Variants in RAPGEF2 observed in about 807,000 individuals in gnomAD.
The protein encoded by RAPGEF2 is Rap guanine nucleotide exchange factor 2, also known as PDZ domain containing guanine nucleotide exchange factor (GEF) 1.
RAPGEF2 carries 54 observed loss-of-function variants against 186.7 expected under a neutral mutation model. The observed-to-expected ratio is 0.29, with a 90% CI of 0.23 to 0.36. The LOEUF (loss-of-function observed/expected upper bound fraction) is 0.36. Ranked by LOEUF, RAPGEF2 falls within the 10% of genes least tolerant of loss-of-function variation. The pLI, the probability that RAPGEF2 is intolerant of heterozygous loss-of-function variation, is 1.00. For missense variants in RAPGEF2, 1,532 were observed against 2,045.0 expected, an observed-to-expected ratio of 0.75 and a Z score of 4.84; for synonymous variants, 712 against 705.9, an observed-to-expected ratio of 1.01 and a Z score of -0.14.
At chr4:159,346,606 T>A (rs531829017) in intron 24 of RAPGEF2, among the ~76,000 whole-genome samples, 183 bp from the exon 25 acceptor site, 2 of 152,358 alleles carry the variant, frequency 1.3e-5, no homozygotes, top group South Asian at 4.1e-4. Context: ...ACATATCTAA[T>A]ATTTTCTGTA....
chr4:159,200,952 A>G (rs1368261102), intron 3 of RAPGEF2, among the ~76,000 whole-genome samples: 1 of 152,216 alleles, frequency 6.6e-6, no homozygotes, highest in Admixed American at 6.5e-5. Flanking sequence ...ATAATAAAAT[A>G]TCAGTATTCC....
intron 4 of RAPGEF2, among the ~76,000 whole-genome samples, chr4:159,228,725 CAT>C (rs1001875681): frequency 1.3e-5 from 2 of 152,142 alleles, no homozygotes; most frequent in Admixed American, 6.5e-5. Context: ...TACACACACA[CAT>C]GTAAATTATA....
chr4:159,220,110 G>A (rs1751392275), intron 4 of RAPGEF2, among the ~76,000 whole-genome samples: 1 of 152,202 alleles, frequency 6.6e-6, no homozygotes, highest in Admixed American at 6.5e-5. Flanking sequence ...TAGTGGAGTG[G>A]CAGAGCTGGT....
intron 2 of RAPGEF2, among the ~76,000 whole-genome samples, chr4:159,189,596 G>A (rs1021000142): frequency 2.0e-5 from 3 of 152,162 alleles, no homozygotes; most frequent in Non-Finnish European, 2.9e-5. Context: ...GCAGCATCAT[G>A]GATGAGTGTA....
intron 7 of RAPGEF2, among the ~76,000 whole-genome samples, chr4:159,275,183 T>C (rs1257318748): frequency 6.6e-6 from 1 of 152,090 alleles, no homozygotes; most frequent in Non-Finnish European, 1.5e-5. Flanking sequence ...ATATTTCTTT[T>C]GTACTCTGAA....
At chr4:159,318,518 A>G (rs1173967663) in intron 9 of RAPGEF2, among the ~76,000 whole-genome samples, 1 of 152,132 alleles carries the variant, frequency 6.6e-6, no homozygotes, top group African/African-American at 2.4e-5. Context: ...ATTTGAACAT[A>G]TTTTTGCGAG....
chr4:159,291,601 A>G (rs575672070), intron 7 of RAPGEF2, among the ~76,000 whole-genome samples: 10 of 152,142 alleles, frequency 6.6e-5, no homozygotes, highest in Non-Finnish European at 1.3e-4. Context: ...TGACCAGACA[A>G]TTTGCTTATT....
chr4:159,121,338 C>T (rs1739658392), intron 1 of RAPGEF2, among the ~76,000 whole-genome samples: 1 of 151,556 alleles, frequency 6.6e-6, no homozygotes, highest in Admixed American at 6.6e-5. Context: ...CCCCTCCCCT[C>T]CCCTCCCCTT....
chr4:159,144,553 CAGTTT>C, intron 1 of RAPGEF2, among the ~76,000 whole-genome samples: 1 of 152,150 alleles, frequency 6.6e-6, no homozygotes, highest in East Asian at 1.9e-4. Context: ...GGTCTCAGTT[CAGTTT>C]ATTTATTTTT....
intron 13 of RAPGEF2, 111 bp from the exon 14 acceptor site, chr4:159,331,320 G>T (rs1766651597): frequency 4.8e-6 from 3 of 620,752 alleles, no homozygotes; most frequent in Middle Eastern, 4.1e-4. Flanking sequence ...TTATTTTCCT[G>T]TTTATTATTA....
intron 1 of RAPGEF2, among the ~76,000 whole-genome samples, chr4:159,150,392 GA>G (rs1167886260): frequency 6.6e-6 from 1 of 152,092 alleles, no homozygotes; most frequent in African/African-American, 2.4e-5. Context: ...TCCTGGCCAG[GA>G]GCACTATAAC....
chr4:159,318,553 T>C (rs1579918127), intron 9 of RAPGEF2, among the ~76,000 whole-genome samples: 1 of 152,228 alleles, frequency 6.6e-6, no homozygotes, highest in East Asian at 1.9e-4. Context: ...AAATTCCCTT[T>C]GGGTTCTGAT....
chr4:159,330,660 A>T (rs1205301921), intron 13 of RAPGEF2, 162 bp downstream of exon 13: 1 of 554,720 alleles, frequency 1.8e-6, no homozygotes, highest in African/African-American at 2.0e-5. Flanking sequence ...AAAAGGTGAT[A>T]CAAAATATTA....
chr4:159,229,072 AT>A (rs1190194265), intron 4 of RAPGEF2, among the ~76,000 whole-genome samples: 1 of 152,154 alleles, frequency 6.6e-6, no homozygotes, highest in African/African-American at 2.4e-5. Flanking sequence ...AGTTACTTAG[AT>A]TTTTTTAAGG....
At chr4:159,326,557 T>G (rs1390383741) in intron 11 of RAPGEF2, 1 of 152,226 alleles carries the variant, frequency 6.6e-6, no homozygotes, top group Non-Finnish European at 1.5e-5. Context: ...GATTTATTTG[T>G]TTGGATCCCA....
intron 25 of RAPGEF2, 38 bp downstream of exon 25, chr4:159,347,036 C>G: frequency 6.4e-7 from 1 of 1,564,946 alleles, no homozygotes; most frequent in South Asian, 1.1e-5. Flanking sequence ...TGGTGCCATT[C>G]ACTGTCATGG....
At chr4:159,162,567 C>T (rs1383917605) in intron 1 of RAPGEF2, among the ~76,000 whole-genome samples, 2 of 152,060 alleles carry the variant, frequency 1.3e-5, no homozygotes, top group African/African-American at 2.4e-5. Context: ...TACTTAAATC[C>T]TGCCTACATC....
At chr4:159,172,335 T>A (rs540797903) in intron 1 of RAPGEF2, among the ~76,000 whole-genome samples, 5 of 152,344 alleles carry the variant, frequency 3.3e-5, no homozygotes, top group African/African-American at 1.2e-4. Context: ...TTTTAAGTTA[T>A]GCACAAGTAT....
In RAPGEF2 at chr4:159,103,969, T is replaced by A. The variant is rs1318780992; in HGVS notation, c.-194T>A. On this transcript the variant is annotated 5_prime_UTR_variant, in exon 1 of 30. Transcript: ENST00000691494. ...CCGGCTGCGTCCAGCCCCTCGCGCC[T>A]GTACCGCGCTCTCGGCCGCCGGGCC... 14 of 153,922 alleles carry A rather than the reference T, an allele frequency of 9.1e-5. No individual in the cohort carries two copies. In the Admixed American group the frequency reaches 9.2e-4, roughly 10 times the overall value. The allele number at this position is 153,922 out of a possible 1,614,324, so 9.5% of individuals were successfully genotyped here. A position where few individuals can be genotyped will look rare whatever the true frequency, so the allele number is the denominator to read the frequency against.
Sources: gnomAD v4.1 joint callset for allele counts (sites outside exome capture counted in the v4.1 genomes callset) on GRCh38, gnomAD v4.1.1 for gene constraint, MANE v1.5 for transcripts, NCBI Gene and HGNC (gene_info 2026-07-23, HGNC 2026-07-21) for gene names.